The following PGM5 variants were observed in gnomAD, a reference collection of about 807,000 sequenced individuals.
The protein encoded by PGM5 is phosphoglucomutase 5.
A neutral mutation model predicts 59.2 loss-of-function variants in PGM5; 23 were observed. That is an observed-to-expected ratio of 0.39 (90% CI 0.28 to 0.55). The LOEUF (loss-of-function observed/expected upper bound fraction) is 0.55. Ranked by LOEUF, PGM5 falls within the 20% of genes least tolerant of loss-of-function variation. The probability of loss-of-function intolerance (pLI) is 0.66; values close to 1 mark genes in which losing one functional copy is unlikely to be tolerated. For synonymous variants in PGM5, 214 were observed against 286.0 expected, an observed-to-expected ratio of 0.75 and a Z score of 2.54; for missense variants, 574 against 748.3, an observed-to-expected ratio of 0.77 and a Z score of 2.72.
intron 9 of PGM5, among the ~76,000 whole-genome samples, chr9:68,494,635 T>A (rs1824453827): frequency 6.6e-6 from 1 of 152,208 alleles, no homozygotes; most frequent in African/African-American, 2.4e-5. Flanking sequence ...ATGTAGCATT[T>A]TGCAATTAAT....
rs559845480 is a variant in PGM5, at chr9:68,385,624, G to T, written c.571+1080G>T. Among the ~76,000 whole-genome samples the T allele has an allele frequency of 7.9e-5, 12 of 152,086 alleles. No individual in the cohort carries two copies. In the Middle Eastern group the frequency reaches 0.014, roughly 172 times the overall value. On this transcript the variant is annotated intron_variant, in intron 3 of 10. Transcript: ENST00000396396. The stretch of plus-strand genomic sequence containing the variant: ...TGGGAGAATGCATAGGCATATGTGT[G>T]CACATGCATGGGATGGCTGGACAAT...
At chr9:68,422,327 T>C (rs1387471878) in intron 6 of PGM5, among the ~76,000 whole-genome samples, 1 of 152,236 alleles carries the variant, frequency 6.6e-6, no homozygotes, top group East Asian at 1.9e-4. Flanking sequence ...TTGAGTTATA[T>C]TATTGGGAGG....
intron 1 of PGM5, among the ~76,000 whole-genome samples, chr9:68,375,800 T>C (rs1554677565): frequency 6.6e-6 from 1 of 152,192 alleles, no homozygotes; most frequent in African/African-American, 2.4e-5. Context: ...TAGTATTATA[T>C]AGGGCTGTCA....
At chr9:68,442,619 C>T (rs1823547425) in intron 6 of PGM5, among the ~76,000 whole-genome samples, 1 of 152,186 alleles carries the variant, frequency 6.6e-6, no homozygotes, top group East Asian at 1.9e-4. Flanking sequence ...TCCAGAAATA[C>T]ACCTAAATAA....
At chr9:68,386,899 A>G (rs1822234177) in intron 3 of PGM5, among the ~76,000 whole-genome samples, 1 of 151,984 alleles carries the variant, frequency 6.6e-6, no homozygotes, top group African/African-American at 2.4e-5. Context: ...TCATTTGGAA[A>G]TTGGGTGCTA....
chr9:68,488,251 C>T (rs1824330450), intron 9 of PGM5, among the ~76,000 whole-genome samples: 1 of 152,132 alleles, frequency 6.6e-6, no homozygotes, highest in Non-Finnish European at 1.5e-5. Context: ...CTCTCCCATC[C>T]CCCAGCACAC....
chr9:68,450,343 T>TTCTA (rs1385712887), intron 6 of PGM5, among the ~76,000 whole-genome samples: 1 of 152,206 alleles, frequency 6.6e-6, no homozygotes, highest in African/African-American at 2.4e-5. Flanking sequence ...ACCCAGAATA[T>TTCTA]TCTAGCAAAG....
At chr9:68,393,617 A>G (rs1822421759) in intron 6 of PGM5, among the ~76,000 whole-genome samples, 1 of 152,110 alleles carries the variant, frequency 6.6e-6, no homozygotes, top group South Asian at 2.1e-4. Flanking sequence ...GTGTAGTGGC[A>G]TGTTCCTGTA....
intron 6 of PGM5, among the ~76,000 whole-genome samples, chr9:68,451,917 G>C (rs1823703628): frequency 6.6e-6 from 1 of 152,198 alleles, no homozygotes; most frequent in African/African-American, 2.4e-5. Flanking sequence ...TATTATGACA[G>C]CGCTTCAGCA....
intron 10 of PGM5, among the ~76,000 whole-genome samples, chr9:68,502,891 G>A (rs55690755): frequency 0.013 from 1,912 of 152,222 alleles, 43 homozygotes; most frequent in African/African-American, 0.042. Context: ...GTTTTACCAT[G>A]TTGGCCAGGC....
intron 6 of PGM5, chr9:68,396,446 C>T (rs1393969036): frequency 6.6e-6 from 1 of 152,148 alleles, no homozygotes; most frequent in Non-Finnish European, 1.5e-5. Flanking sequence ...TTTATTCTGA[C>T]AACAAAAACC....
intron 6 of PGM5, among the ~76,000 whole-genome samples, chr9:68,430,493 T>C (rs1433155055): frequency 6.6e-6 from 1 of 152,262 alleles, no homozygotes; most frequent in Non-Finnish European, 1.5e-5. Flanking sequence ...ATTAGAATGG[T>C]ATTTTTGTAA....
Position 68,357,269 on chromosome 9 carries a change from G to A in PGM5, c.142G>A (p.Val48Met), listed in dbSNP as rs1360818024. 1.2e-5 allele frequency: 19 copies of A among 1,544,410 alleles called. No individual in the cohort carries two copies. In the East Asian group the frequency reaches 3.7e-4, roughly 30 times the overall value. Reference protein sequence around the residue: ...RNYLPNFIQSVLSSIDLRDRQ... With the variant: ...RNYLPNFIQSMLSSIDLRDRQ... ...CTACCTGCCCAACTTTATCCAGAGC[G>A]TGCTGTCGTCCATCGACCTGCGCGA... Residue 48 changes from valine (V) to methionine (M), a missense_variant, in exon 1 of 11, where the codon GTG becomes ATG. By Grantham distance (21) the Val-to-Met change is conservative. This residue lies in a region of PGM5 where 60 missense variants were observed against 71.0 expected (regional missense o/e 0.85). Coordinates refer to ENST00000396396, the MANE Select transcript of PGM5 (RefSeq NM_021965.4).
chr9:68,404,407 G>A (rs1466380680), intron 6 of PGM5, among the ~76,000 whole-genome samples: 1 of 152,230 alleles, frequency 6.6e-6, no homozygotes, highest in African/African-American at 2.4e-5. Context: ...GGGATTAGAG[G>A]TGTGAGCTAC....
intron 6 of PGM5, among the ~76,000 whole-genome samples, chr9:68,412,389 T>C (rs7035001): frequency 0.058 from 8,777 of 152,164 alleles, 864 homozygotes; most frequent in African/African-American, 0.2. Flanking sequence ...AGTCATGAAG[T>C]TTACAAAGAC....
In PGM5 at chr9:68,392,438, T is replaced by C; in HGVS notation, c.1008T>C (p.Phe336=). 6.2e-7 allele frequency: 1 copy of C among 1,611,466 alleles called. No homozygotes were observed. The highest frequency in any genetic ancestry group is 8.5e-7 in the Non-Finnish European group (1 of 1,179,458). The change falls in exon 6 of 11, where the codon TTT becomes TTC. Residue 336 remains phenylalanine (F), a synonymous_variant. Transcript: ENST00000396396. The part of the protein sequence containing the change: ...PYFRQMGVRG[F]GRSMPTSMAL... ...TCCGTCAGATGGGGGTCCGCGGGTT[T>C]GGGAGGAGTATGCCAACCAGCATGG...
chr9:68,499,033 T>C, intron 9 of PGM5, 194 bp from the exon 10 acceptor site: 1 of 595,532 alleles, frequency 1.7e-6, no homozygotes, highest in African/African-American at 1.9e-5. Flanking sequence ...GGAAATAGAA[T>C]AAAGAGACAA....
rs781978296 is a variant in PGM5 at position 68,384,535 on chromosome 9, C to A, written c.562C>A (p.Pro188Thr). 7 of 1,608,662 alleles carry A rather than the reference C, an allele frequency of 4.4e-6. No homozygotes were observed. The South Asian group carries it at 7.7e-5, about 18-fold the overall frequency. ...QEFDLENKFK[P>T]FRVEIVDPVD... The stretch of plus-strand genomic sequence containing the variant: ...ATTTGACCTAGAAAACAAATTCAAA[C>A]CATTCAGAGGTAACAGAGATTTTAT... Residue 188 changes from proline to threonine, a missense_variant, in exon 3 of 11, where the codon CCA (proline) becomes ACA (threonine). Around this residue, in one of 7 missense-constraint regions of PGM5, gnomAD observed 103 missense variants for 112.4 expected, o/e 0.92. Transcript: ENST00000396396.
chr9:68,378,111 T>C lies in PGM5; in HGVS notation c.262-88T>C, dbSNP rs1821969664. 9 of 972,354 alleles carry C rather than the reference T, an allele frequency of 9.3e-6. 1 individual carries two copies. The Admixed American group carries it at 1.7e-4, about 18-fold the overall frequency. The allele number at this position is 972,354 out of a possible 1,614,324, so 60.2% of individuals were successfully genotyped here. On this transcript the variant is annotated intron_variant, in intron 1 of 10. Coordinates refer to ENST00000396396, the MANE Select transcript of PGM5 (RefSeq NM_021965.4). Reference sequence around the variant, plus strand: ...CTGTTTCTTTTATCAAGTTATTGGCTGTATGTTAACAGAGCCTGGGGCACT... The same window carrying C: ...CTGTTTCTTTTATCAAGTTATTGGCCGTATGTTAACAGAGCCTGGGGCACT...
Sources: gnomAD v4.1 joint callset for allele counts (sites outside exome capture counted in the v4.1 genomes callset) on GRCh38, gnomAD v4.1.1 for gene constraint, gnomAD v4.1.1 regional missense constraint, MANE v1.5 for transcripts, NCBI Gene and HGNC (gene_info 2026-07-23, HGNC 2026-07-21) for gene names.